RAB11B: variants seen among roughly 807,000 people sequenced by gnomAD.
RAB11B encodes the protein ras-related protein Rab-11B.
Under a neutral mutation model 23.7 loss-of-function variants are expected in RAB11B, and 7 were observed. The ratio of observed to expected loss-of-function variants is 0.29; its 90% CI spans 0.17 to 0.55. RAB11B has a LOEUF of 0.55. RAB11B is among the 20% of genes least tolerant of loss of function. RAB11B has a pLI of 0.93. For missense variants in RAB11B, 189 were observed against 320.0 expected (o/e 0.59, Z 3.12); for synonymous variants, 138 against 132.0 (o/e 1.05, Z -0.31).
intron 1 of RAB11B, among the ~76,000 whole-genome samples, chr19:8,398,774 C>A (rs1209085484): frequency 6.6e-6 from 1 of 152,080 alleles, no homozygotes; most frequent in Non-Finnish European, 1.5e-5. Flanking sequence ...CGTGTCCCTT[C>A]CTGTGCGATG....
intron 1 of RAB11B, among the ~76,000 whole-genome samples, chr19:8,394,237 C>A (rs571035676): frequency 6.6e-6 from 1 of 152,284 alleles, no homozygotes; most frequent in East Asian, 1.9e-4. Context: ...CTCACTGCAA[C>A]CTCCGCCTCC....
intron 1 of RAB11B, chr19:8,390,683 C>T (rs1971341778): frequency 4.7e-6 from 2 of 422,480 alleles, no homozygotes; most frequent in African/African-American, 2.1e-5. Flanking sequence ...ACCTAGGACG[C>T]GCCGGGGCGG....
chr19:8,392,743 TG>T (rs1971367587), intron 1 of RAB11B, among the ~76,000 whole-genome samples: 1 of 130,770 alleles, frequency 7.6e-6, no homozygotes, highest in South Asian at 2.5e-4. Flanking sequence ...CAGCCTGGAG[TG>T]CAGTGGCGCA....
chr19:8,403,380 C>T, intron 4 of RAB11B, 33 bp from the exon 5 acceptor site: 1 of 1,587,090 alleles, frequency 6.3e-7, no homozygotes, highest in Non-Finnish European at 8.6e-7. Context: ...CACGTGCTGG[C>T]TCACCCCACG....
intron 2 of RAB11B, among the ~76,000 whole-genome samples, chr19:8,401,270 T>G (rs564579584): frequency 6.7e-6 from 1 of 150,200 alleles, no homozygotes; most frequent in African/African-American, 2.5e-5. Context: ...TTAGTAGAGA[T>G]GGGGTTTCAC....
Position 8,403,814 on chromosome 19 carries a change from C to G in RAB11B, c.*256C>G. ...CGTCTTGGCGGGGTGGGGAGGGCGG[C>G]AGGATGGACGGGGCTGGCCAGAGGC... On this transcript the variant is annotated 3_prime_UTR_variant, in exon 5 of 5. Transcript: ENST00000328024. 1 of 480,996 alleles carries G rather than the reference C, an allele frequency of 2.1e-6. No homozygotes were observed. Among genetic ancestry groups the G allele is most frequent in the Non-Finnish European group, 3.6e-6 (1 of 276,792 alleles). 29.8% of individuals were successfully genotyped at this position (480,996 alleles called of 1,614,324 possible). A position where few individuals can be genotyped will look rare whatever the true frequency, so the allele number is the denominator to read the frequency against.
Position 8,398,890 on chromosome 19 carries a change from T to A in RAB11B, c.41-973T>A, listed in dbSNP as rs1461988046. Among the ~76,000 whole-genome samples, 3 of 152,110 alleles carry A rather than the reference T, an allele frequency of 2.0e-5. No individual in the cohort carries two copies. The East Asian group carries it at 5.8e-4, about 29-fold the overall frequency. ...TCCACCTCCTGGGCTCAAGCGATTC[T>A]CCTGCCTCAGCCTCCTGAGTAGCTG... On this transcript the variant is annotated intron_variant, in intron 1 of 4. Coordinates refer to ENST00000328024, the MANE Select transcript of RAB11B (RefSeq NM_004218.4).
chr19:8,390,459 G>C lies in RAB11B; in HGVS notation c.40+3G>C. On this transcript the variant is annotated splice_donor_region_variant and intron_variant, in intron 1 of 4. Coordinates refer to ENST00000328024, the MANE Select transcript of RAB11B (RefSeq NM_004218.4). The stretch of plus-strand genomic sequence containing the variant: ...CGAGTACGACTACCTATTCAAAGGT[G>C]CGGCCGGTGGGGCACAGACGGGCGA... 1 of 1,506,484 alleles carries C rather than the reference G, an allele frequency of 6.6e-7. No individual in the cohort carries two copies. The highest frequency in any genetic ancestry group is 8.8e-7 in the Non-Finnish European group (1 of 1,131,352). The allele number at this position is 1,506,484 out of a possible 1,614,324, so 93.3% of individuals were successfully genotyped here. A position where few individuals can be genotyped will look rare whatever the true frequency, so the allele number is the denominator to read the frequency against.
intron 1 of RAB11B, among the ~76,000 whole-genome samples, chr19:8,397,812 C>T (rs1002343921): frequency 6.6e-6 from 1 of 152,002 alleles, no homozygotes; most frequent in Admixed American, 6.5e-5. Context: ...GCCTGGCTGC[C>T]AGCACCTCCC....
chr19:8,403,662 C>T lies in RAB11B; in HGVS notation c.*104C>T. On this transcript the variant is annotated 3_prime_UTR_variant, in exon 5 of 5. Transcript: ENST00000328024. ...CCCTCTGTGGCCGGCTCGTTCCAGC[C>T]CTCCCAGTGAGCTCTGCACGGCCGG... 1 of 1,474,112 alleles carries T rather than the reference C, an allele frequency of 6.8e-7. No individual in the cohort carries two copies. The highest frequency in any genetic ancestry group is 9.1e-7 in the Non-Finnish European group (1 of 1,096,996). The allele number at this position is 1,474,112 out of a possible 1,614,324, so 91.3% of individuals were successfully genotyped here.
Position 8,392,677 on chromosome 19 carries a change from TTTC to T in RAB11B, c.40+2224_40+2226del, listed in dbSNP as rs1971365766. ...CTCTTTCAATATTTTTCTTTTCCTTTTTCTTTTCTTTTTTTTTTTTTTTTTTTT... is the reference window on the plus strand; with the variant it reads ...CTCTTTCAATATTTTTCTTTTCCTTTTTTTCTTTTTTTTTTTTTTTTTTTT... On this transcript the variant is annotated intron_variant, in intron 1 of 4. Coordinates refer to ENST00000328024, the MANE Select transcript of RAB11B (RefSeq NM_004218.4). Among the ~76,000 whole-genome samples, 8 of 114,040 alleles carry T rather than the reference TTTC, an allele frequency of 7.0e-5. No individual in the cohort carries two copies. The South Asian group carries it at 2.3e-3, about 33-fold the overall frequency. The allele number at this position is 114,040 out of a possible 152,430, so 74.8% of individuals were successfully genotyped here. A position where few individuals can be genotyped will look rare whatever the true frequency, so the allele number is the denominator to read the frequency against.
At chr19:8,402,666 T>TTTTTGTTTTTTTC (rs1002530230) in intron 4 of RAB11B, 101 bp downstream of exon 4, 29 of 975,374 alleles carry the variant, frequency 3.0e-5, no homozygotes, top group African/African-American at 4.9e-5. Context: ...TGTTTTTTTC[T>TTTTTGTTTTTTTC]TTTTTTTGTC....
intron 2 of RAB11B, among the ~76,000 whole-genome samples, chr19:8,401,500 C>T (rs1971437187): frequency 6.6e-6 from 1 of 151,784 alleles, no homozygotes; most frequent in Non-Finnish European, 1.5e-5. Context: ...AATTCTCCTG[C>T]CTTAGCCTCC....
At chr19:8,390,480 G>A (rs1971338685) in intron 1 of RAB11B, 24 bp downstream of exon 1, 2 of 1,486,378 alleles carry the variant, frequency 1.3e-6, no homozygotes, top group Admixed American at 2.6e-5. Context: ...GGCACAGACG[G>A]GCGAAGTCGT....
chr19:8,403,220 C>T (rs958019944), intron 4 of RAB11B, among the ~76,000 whole-genome samples, 193 bp from the exon 5 acceptor site: 5 of 152,112 alleles, frequency 3.3e-5, no homozygotes, highest in African/African-American at 4.8e-5. Context: ...TCTTAGGGAG[C>T]GAGAGGCCGG....
At chr19:8,398,837 A>G (rs975583270) in intron 1 of RAB11B, among the ~76,000 whole-genome samples, 3 of 152,058 alleles carry the variant, frequency 2.0e-5, no homozygotes, top group Admixed American at 1.3e-4. Flanking sequence ...GCTGGAGTGC[A>G]GTGATTCGAT....
At chr19:8,401,243 G>A (rs572878490) in intron 2 of RAB11B, among the ~76,000 whole-genome samples, 1 of 151,724 alleles carries the variant, frequency 6.6e-6, no homozygotes, top group Non-Finnish European at 1.5e-5. Flanking sequence ...ACCACGCCTG[G>A]CTAATTTTTT....
intron 1 of RAB11B, among the ~76,000 whole-genome samples, chr19:8,397,694 C>A (rs922702888): frequency 1.3e-5 from 2 of 152,018 alleles, no homozygotes; most frequent in Non-Finnish European, 1.5e-5. Flanking sequence ...CACAGTGTGG[C>A]CAGGGGAAGG....
At chr19:8,398,728 G>A (rs1971414886) in intron 1 of RAB11B, among the ~76,000 whole-genome samples, 1 of 152,194 alleles carries the variant, frequency 6.6e-6, no homozygotes, top group South Asian at 2.1e-4. Flanking sequence ...CCCATGCCCT[G>A]ACCAGAAACC....
Sources: allele counts gnomAD v4.1 joint callset (sites outside exome capture counted in the v4.1 genomes callset), GRCh38; gene constraint gnomAD v4.1.1; transcripts MANE v1.5; gene names NCBI Gene and HGNC (gene_info 2026-07-23, HGNC 2026-07-21).